Variants in ABCB8 observed in about 807,000 individuals in gnomAD.
ABCB8 encodes the protein ATP binding cassette subfamily B member 8, also known as mitochondrial potassium channel ATP-binding subunit.
ABCB8 carries 52 observed loss-of-function variants against 73.0 expected under a neutral mutation model. The ratio of observed to expected loss-of-function variants is 0.71; its 90% CI spans 0.57 to 0.90. The LOEUF (loss-of-function observed/expected upper bound fraction) is 0.90, where lower values mean the gene tolerates loss of function less well. Ranked by LOEUF, ABCB8 falls within the 40% of genes least tolerant of loss-of-function variation. The probability of loss-of-function intolerance (pLI) is 0.00; values close to 1 mark genes in which losing one functional copy is unlikely to be tolerated. For synonymous variants in ABCB8, 428 were observed against 423.5 expected (o/e 1.01, Z -0.13); for missense variants, 909 against 974.6 (o/e 0.93, Z 0.90).
chr7:151,031,282 C>T, intron 1 of ABCB8: 1 of 1,554,252 alleles, frequency 6.4e-7, no homozygotes, highest in Non-Finnish European at 8.6e-7. Context: ...TTACACAAGG[C>T]AGAAGGAGAG....
At chr7:151,040,108 C>G in intron 9 of ABCB8, 160 bp from the exon 10 acceptor site, 1 of 757,922 alleles carries the variant, frequency 1.3e-6, no homozygotes, top group African/African-American at 1.8e-5. Context: ...TCTGGTGTTG[C>G]TACGTCCCAG....
intron 15 of ABCB8, among the ~76,000 whole-genome samples, chr7:151,044,878 G>A (rs562955599): frequency 2.0e-5 from 3 of 152,362 alleles, no homozygotes; most frequent in East Asian, 1.9e-4. Context: ...CCCAGAGGCC[G>A]TGTGGCGTTG....
chr7:151,032,141 C>T lies in ABCB8; in HGVS notation c.96-1464C>T, dbSNP rs553312137. Among the ~76,000 whole-genome samples the T allele has an allele frequency of 1.7e-4, 26 of 152,314 alleles. No individual in the cohort carries two copies. The South Asian group carries it at 5.2e-3, about 30-fold the overall frequency. On this transcript the variant is annotated intron_variant, in intron 1 of 15. Transcript: ENST00000358849. Reference sequence around the variant, plus strand: ...GGAGATACCTGCACTTGCTTTTCCTCTGCCTAGAGCTCTCCCCTTTACACT... The same window carrying T: ...GGAGATACCTGCACTTGCTTTTCCTTTGCCTAGAGCTCTCCCCTTTACACT...
chr7:151,035,659 A>T lies in ABCB8; in HGVS notation c.844A>T (p.Met282Leu). 1.9e-6 allele frequency: 3 copies of T among 1,613,328 alleles called. No homozygotes were observed. Among genetic ancestry groups the T allele is most frequent in the Non-Finnish European group, 2.5e-6 (3 of 1,179,798 alleles). Residue 282 changes from methionine to leucine, a missense_variant, in exon 6 of 16, where the codon ATG becomes TTG. Met to Leu is a conservative substitution (Grantham distance 15). Transcript: ENST00000358849. ...MLSTRLTLLLMVATPALMGVG... is the reference protein window; with the variant it reads ...MLSTRLTLLLLVATPALMGVG... ...GTCGACACGCCTCACGCTGCTGCTGATGGTGGCCACACCAGCCCTGATGGG... is the reference window on the plus strand; with the variant it reads ...GTCGACACGCCTCACGCTGCTGCTGTTGGTGGCCACACCAGCCCTGATGGG...
At chr7:151,036,768 T>TG in intron 9 of ABCB8, 119 bp downstream of exon 9, 1 of 900,324 alleles carries the variant, frequency 1.1e-6, no homozygotes, top group Non-Finnish European at 1.8e-6. Context: ...GCTCCAGGCC[T>TG]GCCCAGCTTC....
rs1325167630 is a variant in ABCB8 at position 151,047,487 on chromosome 7, C to T, written c.*2138C>T. ...CCTTCCAAAGTGTTTATTAATCAAG[C>T]ACCTGTCATGTGCCATTGAGCCCAC... On this transcript the variant is annotated 3_prime_UTR_variant, in exon 16 of 16. Transcript: ENST00000358849. 2.6e-5 allele frequency: 4 copies of T among 152,244 alleles called. No homozygotes were observed. The East Asian group carries it at 5.8e-4, about 22-fold the overall frequency. 9.4% of individuals were successfully genotyped at this position (152,244 alleles called of 1,614,324 possible). A position where few individuals can be genotyped will look rare whatever the true frequency, so the allele number is the denominator to read the frequency against.
intron 15 of ABCB8, among the ~76,000 whole-genome samples, chr7:151,044,660 C>G (rs1263883885): frequency 6.6e-6 from 1 of 152,210 alleles, no homozygotes; most frequent in Non-Finnish European, 1.5e-5. Flanking sequence ...GGGAGGATTA[C>G]TTGAGCCCCA....
intron 5 of ABCB8, 90 bp downstream of exon 5, chr7:151,034,919 T>G: frequency 8.4e-7 from 1 of 1,190,610 alleles, no homozygotes; most frequent in Non-Finnish European, 1.2e-6. Flanking sequence ...AGCCCTGATG[T>G]TGGGCTGACA....
chr7:151,040,123 C>T lies in ABCB8; in HGVS notation c.1218-145C>T, dbSNP rs985062370. Reference sequence around the variant, plus strand: ...TCTGGTGTTGCTACGTCCCAGGGCTCTACGCCCCCATGGTGCAGGAGCAGT... The same window carrying T: ...TCTGGTGTTGCTACGTCCCAGGGCTTTACGCCCCCATGGTGCAGGAGCAGT... On this transcript the variant is annotated intron_variant, in intron 9 of 15. Transcript: ENST00000358849. 3.3e-5 allele frequency: 30 copies of T among 908,312 alleles called. No individual in the cohort carries two copies. The Admixed American group carries it at 5.7e-4, about 17-fold the overall frequency. 56.3% of individuals were successfully genotyped at this position (908,312 alleles called of 1,614,324 possible).
rs1796618737 is a variant in ABCB8, at chr7:151,046,567, T to G, written c.*1218T>G. The G allele has an allele frequency of 6.6e-6, 1 of 152,270 alleles. No homozygotes were observed. The highest frequency in any genetic ancestry group is 2.4e-5 in the African/African-American group (1 of 41,462). The allele number at this position is 152,270 out of a possible 1,614,324, so 9.4% of individuals were successfully genotyped here. Reference sequence around the variant, plus strand: ...TGTTGGTGCCGCTGTCACTTCCTACTGGGATCCTTCCCCTATCCAGCCACA... The same window carrying G: ...TGTTGGTGCCGCTGTCACTTCCTACGGGGATCCTTCCCCTATCCAGCCACA... On this transcript the variant is annotated 3_prime_UTR_variant, in exon 16 of 16. Transcript: ENST00000358849.
Position 151,040,265 on chromosome 7 carries a change from C to G in ABCB8, c.1218-3C>G. The G allele has an allele frequency of 1.2e-6, 2 of 1,611,572 alleles. No individual in the cohort carries two copies. Among genetic ancestry groups the G allele is most frequent in the Non-Finnish European group, 1.7e-6 (2 of 1,178,956 alleles). On this transcript the variant is annotated splice_region_variant and splice_polypyrimidine_tract_variant and intron_variant, in intron 9 of 15. Coordinates refer to ENST00000358849, the MANE Select transcript of ABCB8 (RefSeq NM_007188.5). ...TTCCACCCCTCTCTCCTTTTTCTGA[C>G]AGGTCCATGGCCAACCTCTCTGTCC...
chr7:151,034,124 G>C, intron 2 of ABCB8, 149 bp from the exon 3 acceptor site: 1 of 1,132,788 alleles, frequency 8.8e-7, no homozygotes, highest in Non-Finnish European at 1.2e-6. Context: ...TTGAACCTCT[G>C]AGAGGCACTG....
chr7:151,044,234 G>T lies in ABCB8; in HGVS notation c.2016+13G>T. On this transcript the variant is annotated intron_variant, in intron 15 of 15. Coordinates refer to ENST00000358849, the MANE Select transcript of ABCB8 (RefSeq NM_007188.5). ...CCGTGTCTGGGAGGTTAGTTGTCCT[G>T]GGGGCGTGGATCAGTGGGTTGAGGA... The T allele has an allele frequency of 6.3e-7, 1 of 1,593,778 alleles. No homozygotes were observed. Among genetic ancestry groups the T allele is most frequent in the South Asian group, 1.1e-5 (1 of 90,736 alleles).
Position 151,036,538 on chromosome 7 carries a change from C to T in ABCB8, c.1112-6C>T. On this transcript the variant is annotated splice_polypyrimidine_tract_variant and splice_region_variant and intron_variant, in intron 8 of 15. Transcript: ENST00000358849. ...TTCGTCCTCCCTCACTTCCCCTCTC[C>T]TGCAGGCATGGTCTTGGGTACCCTA... The T allele has an allele frequency of 6.2e-7, 1 of 1,613,184 alleles. No individual in the cohort carries two copies.
At position 151,035,745 on chromosome 7, in the gene ABCB8, A is replaced by G. The variant is rs757737906; in HGVS notation, c.927+3A>G. The G allele has an allele frequency of 6.2e-7, 1 of 1,612,516 alleles. No homozygotes were observed. Among genetic ancestry groups the G allele is most frequent in the South Asian group, 1.1e-5 (1 of 91,082 alleles). On this transcript the variant is annotated splice_donor_region_variant and intron_variant, in intron 6 of 15. Transcript: ENST00000358849. ...TGTCTCGCCAGTGTCAGGAGCAGGT[A>G]CCGGCATTCCTGGCCATCCTCTTCA...
At chr7:151,030,173 G>C (rs1796119223) in intron 1 of ABCB8, among the ~76,000 whole-genome samples, 2 of 152,242 alleles carry the variant, frequency 1.3e-5, no homozygotes, top group South Asian at 2.1e-4. Context: ...TCATTAGTCA[G>C]TATTTTTCAA....
intron 9 of ABCB8, chr7:151,037,652 A>T (rs1289439987): frequency 4.3e-6 from 1 of 231,954 alleles, no homozygotes; most frequent in Non-Finnish European, 7.9e-6. Flanking sequence ...CCCTCCCCCC[A>T]CGACCCCCCT....
intron 9 of ABCB8, chr7:151,037,418 C>A: frequency 1.5e-6 from 1 of 683,394 alleles, no homozygotes; most frequent in Non-Finnish European, 2.7e-6. Context: ...TATTGCTTTG[C>A]GTTGGTCCAA....
At chr7:151,043,533 T>G (rs560171998) in intron 14 of ABCB8, among the ~76,000 whole-genome samples, 52 of 100,036 alleles carry the variant, frequency 5.2e-4, no homozygotes, top group Admixed American at 1.1e-3. Context: ...GAGACAGGAC[T>G]AGGGTGCACA....
Sources: gnomAD v4.1 joint callset for allele counts (sites outside exome capture counted in the v4.1 genomes callset) on GRCh38, gnomAD v4.1.1 for gene constraint, MANE v1.5 for transcripts, NCBI Gene and HGNC (gene_info 2026-07-23, HGNC 2026-07-21) for gene names.